MID2: variants seen among roughly 807,000 people sequenced by gnomAD.
MID2 encodes midline 2, also known as probable E3 ubiquitin-protein ligase MID2.
A neutral mutation model predicts 46.1 loss-of-function variants in MID2; 13 were observed. The ratio of observed to expected loss-of-function variants is 0.28; its 90% CI spans 0.18 to 0.45. The LOEUF is 0.45. MID2 is among the 20% of genes least tolerant of loss of function. MID2 has a pLI of 1.00. For synonymous variants in MID2, 199 were observed against 212.3 expected, an observed-to-expected ratio of 0.94 and a Z score of 0.55; for missense variants, 431 against 575.4, an observed-to-expected ratio of 0.75 and a Z score of 2.57.
At chrX:107,842,904 A>T (rs1270632493) in intron 2 of MID2, among the ~76,000 whole-genome samples, 4 of 112,045 alleles carry the variant, frequency 3.6e-5, no homozygotes, top group Non-Finnish European at 1.9e-5. Flanking sequence ...AGAAATGATT[A>T]GTAATGGGAA....
intron 7 of MID2, among the ~76,000 whole-genome samples, chrX:107,918,646 A>C (rs770220761): frequency 9.0e-6 from 1 of 111,322 alleles, no homozygotes; most frequent in Non-Finnish European, 1.9e-5. Context: ...AACTCTAAAA[A>C]ACATTTGCTT....
chrX:107,882,608 A>G (rs1231405162), intron 3 of MID2, among the ~76,000 whole-genome samples: 1 of 112,222 alleles, frequency 8.9e-6, no homozygotes, highest in Admixed American at 9.4e-5. Context: ...AAAAATGCTC[A>G]TCATCACTGG....
chrX:107,902,402 T>C (rs1400507839), intron 3 of MID2, among the ~76,000 whole-genome samples: 1 of 111,399 alleles, frequency 9.0e-6, no homozygotes, highest in Non-Finnish European at 1.9e-5. Context: ...TAAATGAATC[T>C]CTTAGTCTCA....
intron 5 of MID2, among the ~76,000 whole-genome samples, chrX:107,908,622 A>C (rs1286853122): frequency 3.7e-5 from 4 of 108,747 alleles, no homozygotes; most frequent in African/African-American, 1.3e-4. Context: ...TCACACCTTT[A>C]ATCACAGCAC....
At chrX:107,905,053 A>G (rs1329956582) in intron 4 of MID2, among the ~76,000 whole-genome samples, 3 of 112,367 alleles carry the variant, frequency 2.7e-5, no homozygotes, top group African/African-American at 9.7e-5. Flanking sequence ...GGTACTTTTT[A>G]GTAAACATAT....
chrX:107,916,878 C>T (rs923172682), intron 6 of MID2, among the ~76,000 whole-genome samples: 3 of 112,715 alleles, frequency 2.7e-5, no homozygotes, highest in East Asian at 2.8e-4. Context: ...CAGTGGCTCA[C>T]GCCCATAATC....
intron 3 of MID2, among the ~76,000 whole-genome samples, chrX:107,857,064 A>G (rs762282737): frequency 3.1e-4 from 35 of 112,287 alleles, no homozygotes; most frequent in Non-Finnish European, 5.6e-4. Flanking sequence ...TGCAAGAAAT[A>G]CAGACAATTG....
chrX:107,879,115 G>A (rs987516582), intron 3 of MID2, among the ~76,000 whole-genome samples: 1 of 111,089 alleles, frequency 9.0e-6, no homozygotes, highest in Non-Finnish European at 1.9e-5. Context: ...GCGGGGGTGG[G>A]GCCATGACCC....
intron 3 of MID2, among the ~76,000 whole-genome samples, chrX:107,899,136 A>G (rs1057161265): frequency 1.8e-5 from 2 of 108,555 alleles, no homozygotes; most frequent in Non-Finnish European, 3.8e-5. Context: ...CAGGAATAAA[A>G]TAACTATAGA....
At chrX:107,925,825 G>C (rs755673587) in intron 8 of MID2, among the ~76,000 whole-genome samples, 1 of 110,704 alleles carries the variant, frequency 9.0e-6, no homozygotes, top group African/African-American at 3.3e-5. Flanking sequence ...ATTGCTTTTA[G>C]GAGAGATCCA....
intron 6 of MID2, among the ~76,000 whole-genome samples, chrX:107,917,005 G>A (rs936448758): frequency 5.4e-5 from 6 of 111,742 alleles, no homozygotes; most frequent in Non-Finnish European, 1.1e-4. Context: ...GCCAGATGTG[G>A]TGGTGGGTGC....
At chrX:107,917,844 T>C in intron 7 of MID2, 105 bp downstream of exon 7, 2 of 687,131 alleles carry the variant, frequency 2.9e-6, no homozygotes, top group Non-Finnish European at 4.4e-6. Context: ...ACAAGCAAGT[T>C]GTATATTTCC....
At chrX:107,921,065 A>G (rs1180454263) in intron 7 of MID2, among the ~76,000 whole-genome samples, 2 of 112,057 alleles carry the variant, frequency 1.8e-5, no homozygotes, top group Non-Finnish European at 3.8e-5. Flanking sequence ...ATTCTTTATG[A>G]CATATAAAGA....
chrX:107,831,836 T>C (rs920669734), intron 1 of MID2, among the ~76,000 whole-genome samples: 1 of 112,129 alleles, frequency 8.9e-6, no homozygotes, highest in Non-Finnish European at 1.9e-5. Context: ...GTAAATTAAG[T>C]TTGTTTTCCA....
At chrX:107,851,019 A>G (rs1230980345) in intron 2 of MID2, among the ~76,000 whole-genome samples, 1 of 112,271 alleles carries the variant, frequency 8.9e-6, no homozygotes, top group Non-Finnish European at 1.9e-5. Flanking sequence ...GCGTTCATCA[A>G]TCTACATTAT....
chrX:107,890,886 C>T (rs1232227117), intron 3 of MID2, among the ~76,000 whole-genome samples: 8 of 110,171 alleles, frequency 7.3e-5, no homozygotes, highest in Non-Finnish European at 1.5e-4. Context: ...TAGCAATTAG[C>T]GAGGCTCTGT....
intron 6 of MID2, 78 bp from the exon 7 acceptor site, chrX:107,917,428 C>A: frequency 1.3e-6 from 1 of 788,933 alleles, no homozygotes; most frequent in Non-Finnish European, 1.9e-6. Flanking sequence ...TGTTGGGTTA[C>A]GCAGGAAGAG....
intron 3 of MID2, among the ~76,000 whole-genome samples, chrX:107,878,470 T>TA (rs1314016532): frequency 8.9e-6 from 1 of 112,652 alleles, no homozygotes; most frequent in Non-Finnish European, 1.9e-5. Context: ...TTCTACTTAA[T>TA]AACATTTCTG....
chrX:107,882,456 T>C lies in MID2; in HGVS notation c.817-21502T>C, dbSNP rs750054683. ...TGAGAAAATTTTTGCAATCTACTCA[T>C]CTGACAAAGGGCTAGTATCCAGAAT... is the stretch of plus-strand genomic sequence containing the variant. On this transcript the variant is annotated intron_variant, in intron 3 of 9. Transcript: ENST00000262843. 3.7e-3 allele frequency among the ~76,000 whole-genome samples: 415 copies of C among 111,815 alleles called. 3 individuals carry two copies. The highest frequency in any genetic ancestry group is 0.013 in the African/African-American group (401 of 30,719).
Sources: gnomAD v4.1 joint callset for allele counts (sites outside exome capture counted in the v4.1 genomes callset) on GRCh38, gnomAD v4.1.1 for gene constraint, MANE v1.5 for transcripts, NCBI Gene and HGNC (gene_info 2026-07-23, HGNC 2026-07-21) for gene names.